Variants in LANCL2 observed in about 807,000 individuals in gnomAD.
LANCL2 encodes LanC like glutathione S-transferase 2, also known as lanC-like protein 2.
LANCL2 carries 33 observed loss-of-function variants against 56.9 expected under a neutral mutation model. The ratio of observed to expected loss-of-function variants is 0.58; its 90% CI spans 0.44 to 0.78. The LOEUF (loss-of-function observed/expected upper bound fraction) is 0.78. Among genes scored for constraint, LANCL2 ranks in the 30% least tolerant of loss-of-function variants. LANCL2 has a pLI of 0.00. For synonymous variants in LANCL2, 233 were observed against 228.2 expected (o/e 1.02, Z -0.19); for missense variants, 562 against 580.2 (o/e 0.97, Z 0.32).
chr7:55,383,327 A>G (rs76824942), intron 1 of LANCL2, among the ~76,000 whole-genome samples: 71 of 152,272 alleles, frequency 4.7e-4, no homozygotes, highest in African/African-American at 1.7e-3. Flanking sequence ...GTGGATGAGG[A>G]GGAATGGTCA....
chr7:55,366,395 G>T (rs549984075), intron 1 of LANCL2, among the ~76,000 whole-genome samples, 166 bp downstream of exon 1: 3 of 152,362 alleles, frequency 2.0e-5, no homozygotes, highest in Admixed American at 2.0e-4. Flanking sequence ...CGCGCTTAGG[G>T]TCCGTGGGCT....
At chr7:55,384,083 A>G in intron 1 of LANCL2, among the ~76,000 whole-genome samples, 1 of 150,236 alleles carries the variant, frequency 6.7e-6, no homozygotes, top group South Asian at 2.1e-4. Context: ...TGCAAAACAG[A>G]AAAAAAAAAT....
At position 55,365,560 on chromosome 7, in the gene LANCL2, A is replaced by C; in HGVS notation, c.-466A>C. ...CTTGAGTGACAGCGACCTCTTCTCT[A>C]CAGGTTTTCCCCGCGGGAGCGTGGC... On this transcript the variant is annotated 5_prime_UTR_variant, in exon 1 of 9. Coordinates refer to ENST00000254770, the MANE Select transcript of LANCL2 (RefSeq NM_018697.4). 6.5e-6 allele frequency: 1 copy of C among 153,026 alleles called. No homozygotes were observed. Among genetic ancestry groups the C allele is most frequent in the East Asian group, 1.9e-4 (1 of 5,208 alleles). 9.5% of individuals were successfully genotyped at this position (153,026 alleles called of 1,614,324 possible).
chr7:55,372,963 G>A (rs1469453156), intron 1 of LANCL2, among the ~76,000 whole-genome samples: 1 of 152,188 alleles, frequency 6.6e-6, no homozygotes, highest in Non-Finnish European at 1.5e-5. Flanking sequence ...ATGGTGGTGA[G>A]ATGATAAGGA....
intron 1 of LANCL2, among the ~76,000 whole-genome samples, chr7:55,378,982 A>G (rs948960323): frequency 6.6e-6 from 1 of 152,174 alleles, no homozygotes; most frequent in Non-Finnish European, 1.5e-5. Context: ...AATACAAAAA[A>G]TTAGCCAGCC....
intron 1 of LANCL2, among the ~76,000 whole-genome samples, chr7:55,366,600 G>T (rs776426353): frequency 6.6e-6 from 1 of 152,168 alleles, no homozygotes; most frequent in Non-Finnish European, 1.5e-5. Context: ...CTCAGAAGTG[G>T]CCTGGAGGCT....
At chr7:55,383,696 T>C (rs1241332666) in intron 1 of LANCL2, among the ~76,000 whole-genome samples, 2 of 152,078 alleles carry the variant, frequency 1.3e-5, no homozygotes, top group African/African-American at 2.4e-5. Flanking sequence ...ATAACTCCTA[T>C]AATAGGGGCA....
At chr7:55,429,833 C>T (rs1169493223) in intron 8 of LANCL2, among the ~76,000 whole-genome samples, 1 of 152,286 alleles carries the variant, frequency 6.6e-6, no homozygotes, top group African/African-American at 2.4e-5. Context: ...AGGTCACCTC[C>T]TTCCCCTGTG....
At chr7:55,416,861 A>T (rs1483557573) in intron 6 of LANCL2, among the ~76,000 whole-genome samples, 1 of 151,626 alleles carries the variant, frequency 6.6e-6, no homozygotes, top group Admixed American at 6.6e-5. Context: ...CCCTCAGGTT[A>T]TATAGATAAT....
At chr7:55,426,995 G>A (rs1385845347) in intron 7 of LANCL2, among the ~76,000 whole-genome samples, 1 of 152,230 alleles carries the variant, frequency 6.6e-6, no homozygotes, top group African/African-American at 2.4e-5. Flanking sequence ...GGCCTGCAGA[G>A]GTGGAATGCA....
At chr7:55,418,603 C>T (rs1790571515) in intron 6 of LANCL2, among the ~76,000 whole-genome samples, 1 of 152,184 alleles carries the variant, frequency 6.6e-6, no homozygotes, top group East Asian at 1.9e-4. Flanking sequence ...TTTTCTTCTT[C>T]CTTTCCAACC....
Position 55,365,772 on chromosome 7 carries a change from C to CCGTCGGGAGCAGGGCAAAGG in LANCL2, c.-251_-232dup, listed in dbSNP as rs1235746849. 1 of 363,576 alleles carries CCGTCGGGAGCAGGGCAAAGG rather than the reference C, an allele frequency of 2.8e-6. No homozygotes were observed. Among genetic ancestry groups the CCGTCGGGAGCAGGGCAAAGG allele is most frequent in the Non-Finnish European group, 4.9e-6 (1 of 203,040 alleles). The allele number at this position is 363,576 out of a possible 1,614,324, so 22.5% of individuals were successfully genotyped here. On this transcript the variant is annotated 5_prime_UTR_variant, in exon 1 of 9. Coordinates refer to ENST00000254770, the MANE Select transcript of LANCL2 (RefSeq NM_018697.4). ...GGCGCTCCCGCGAGCCCGCTCCTCT[C>CCGTCGGGAGCAGGGCAAAGG]CGTCGGGAGCAGGGCAAAGGCGCCA...
intron 1 of LANCL2, among the ~76,000 whole-genome samples, chr7:55,389,662 C>CG (rs1228040581): frequency 1.3e-5 from 2 of 152,092 alleles, no homozygotes; most frequent in Non-Finnish European, 2.9e-5. Flanking sequence ...GGGCAGTTCC[C>CG]GGGTCCCAGT....
At chr7:55,367,462 C>T (rs1206047926) in intron 1 of LANCL2, among the ~76,000 whole-genome samples, 2 of 152,228 alleles carry the variant, frequency 1.3e-5, no homozygotes, top group African/African-American at 2.4e-5. Context: ...CGGTGGCTCA[C>T]GCCAGTAATC....
intron 1 of LANCL2, among the ~76,000 whole-genome samples, chr7:55,375,131 G>T (rs1013673500): frequency 5.3e-5 from 8 of 152,072 alleles, no homozygotes; most frequent in Non-Finnish European, 1.2e-4. Flanking sequence ...TTTATTATGT[G>T]CATGTTGAAC....
intron 1 of LANCL2, among the ~76,000 whole-genome samples, chr7:55,371,673 A>G (rs1226008381): frequency 6.6e-6 from 1 of 152,188 alleles, no homozygotes; most frequent in African/African-American, 2.4e-5. Context: ...TGGTCAATCC[A>G]AAGGACTTTA....
At position 55,411,898 on chromosome 7, in the gene LANCL2, T is replaced by C. The variant is rs374391863; in HGVS notation, c.826-9T>C. The C allele has an allele frequency of 3.9e-5, 62 of 1,596,220 alleles. No individual in the cohort carries two copies. Among genetic ancestry groups the C allele is most frequent in the Admixed American group, 1.4e-4 (8 of 58,564 alleles). On this transcript the variant is annotated splice_polypyrimidine_tract_variant and intron_variant, in intron 5 of 8. Coordinates refer to ENST00000254770, the MANE Select transcript of LANCL2 (RefSeq NM_018697.4). ...AAATAATTTGTGTTTCATTTTTGTT[T>C]GTTTAAAGCCGGCAGCAAAAGTGGA...
rs148068311 is a variant in LANCL2 at position 55,396,035 on chromosome 7, C to G, written c.323-2388C>G. Among the ~76,000 whole-genome samples, 735 of 152,278 alleles carry G rather than the reference C, an allele frequency of 4.8e-3. 1 individual carries two copies. Among genetic ancestry groups the G allele is most frequent in the Non-Finnish European group, 7.4e-3 (506 of 68,010 alleles). ...TTGTAACACAATGGTGTTTTTGTAT[C>G]TAAACATAGATATAGAAAAGGTACA... On this transcript the variant is annotated intron_variant, in intron 2 of 8. Coordinates refer to ENST00000254770, the MANE Select transcript of LANCL2 (RefSeq NM_018697.4).
chr7:55,407,145 G>A lies in LANCL2; in HGVS notation c.826-4762G>A, dbSNP rs138581922. On this transcript the variant is annotated intron_variant, in intron 5 of 8. Transcript: ENST00000254770. ...GAGGGAACTGCCTATCCTTCAACTCGTGCTGGAGACAAAAGGAGTTAGGTC... is the reference window on the plus strand; with the variant it reads ...GAGGGAACTGCCTATCCTTCAACTCATGCTGGAGACAAAAGGAGTTAGGTC... 4.6e-5 allele frequency among the ~76,000 whole-genome samples: 7 copies of A among 152,316 alleles called. No individual in the cohort carries two copies. The South Asian group carries it at 6.2e-4, about 14-fold the overall frequency.
Sources: allele counts gnomAD v4.1 joint callset (sites outside exome capture counted in the v4.1 genomes callset), GRCh38; gene constraint gnomAD v4.1.1; transcripts MANE v1.5; gene names NCBI Gene and HGNC (gene_info 2026-07-23, HGNC 2026-07-21).